CPNE8: variants seen among roughly 807,000 people sequenced by gnomAD.
CPNE8 encodes the protein copine 8, also known as copine-8.
A neutral mutation model predicts 81.5 loss-of-function variants in CPNE8; 45 were observed. The ratio of observed to expected loss-of-function variants is 0.55; its 90% CI spans 0.44 to 0.71. CPNE8 has a LOEUF of 0.71. Ranked by LOEUF, CPNE8 falls within the 30% of genes least tolerant of loss-of-function variation. The pLI is 0.00. For synonymous variants in CPNE8, 252 were observed against 226.3 expected (o/e 1.11, Z -1.02); for missense variants, 594 against 672.1 (o/e 0.88, Z 1.28).
intron 5 of CPNE8, among the ~76,000 whole-genome samples, chr12:38,835,656 T>G (rs1013943389): frequency 6.6e-6 from 1 of 152,214 alleles, no homozygotes; most frequent in Non-Finnish European, 1.5e-5. Context: ...AGCTTTATAC[T>G]CTAATGAAAG....
intron 13 of CPNE8, among the ~76,000 whole-genome samples, chr12:38,719,191 C>G (rs763199650): frequency 3.3e-5 from 5 of 152,138 alleles, no homozygotes; most frequent in Non-Finnish European, 7.4e-5. Flanking sequence ...TTCATGTGAA[C>G]TACAGGAAAT....
chr12:38,844,289 A>G (rs1943518635), intron 4 of CPNE8, among the ~76,000 whole-genome samples: 1 of 152,184 alleles, frequency 6.6e-6, no homozygotes, highest in South Asian at 2.1e-4. Context: ...TCTATCTGGC[A>G]CATACTACGA....
chr12:38,685,486 T>C lies in CPNE8; in HGVS notation c.1271+4A>G, dbSNP rs751325087. On this transcript the variant is annotated splice_donor_region_variant and intron_variant, in intron 16 of 19. Coordinates refer to ENST00000331366, the MANE Select transcript of CPNE8 (RefSeq NM_153634.3). ...AATAAGCACCTTGTCTACTCTCTAC[T>C]TACCTTGCTACATGATTAATTACAG... 7 of 1,612,606 alleles carry C rather than the reference T, an allele frequency of 4.3e-6. No homozygotes were observed. The highest frequency in any genetic ancestry group is 2.7e-5 in the African/African-American group (2 of 74,862).
At chr12:38,782,979 C>A (rs1249293363) in intron 6 of CPNE8, among the ~76,000 whole-genome samples, 1 of 152,136 alleles carries the variant, frequency 6.6e-6, no homozygotes, top group Non-Finnish European at 1.5e-5. Flanking sequence ...CCCACCTTGA[C>A]TACTCTCGCA....
chr12:38,656,125 A>G (rs888765197), intron 19 of CPNE8, among the ~76,000 whole-genome samples: 1 of 151,984 alleles, frequency 6.6e-6, no homozygotes, highest in Non-Finnish European at 1.5e-5. Context: ...AAAAACAAAA[A>G]AAACAAATTG....
chr12:38,881,911 A>T (rs1944164132), intron 1 of CPNE8, among the ~76,000 whole-genome samples: 1 of 152,200 alleles, frequency 6.6e-6, no homozygotes, highest in South Asian at 2.1e-4. Context: ...AAATGGAGAA[A>T]AAAAAGAGAC....
intron 13 of CPNE8, 78 bp downstream of exon 13, chr12:38,723,694 A>T: frequency 1.2e-6 from 1 of 836,288 alleles, no homozygotes; most frequent in Non-Finnish European, 2.1e-6. Flanking sequence ...TTTCAGTGCC[A>T]GGTACCTCGT....
At chr12:38,766,750 T>C (rs1319385044) in intron 8 of CPNE8, among the ~76,000 whole-genome samples, 1 of 152,072 alleles carries the variant, frequency 6.6e-6, no homozygotes, top group Non-Finnish European at 1.5e-5. Context: ...AGCTGATATA[T>C]TACACATAGT....
Position 38,653,856 on chromosome 12 carries a change from G to A in CPNE8, c.*26C>T, listed in dbSNP as rs1158524784. 2 of 1,603,376 alleles carry A rather than the reference G, an allele frequency of 1.2e-6. No homozygotes were observed. The highest frequency in any genetic ancestry group is 2.3e-5 in the South Asian group (2 of 88,362). On this transcript the variant is annotated 3_prime_UTR_variant, in exon 20 of 20. Coordinates refer to ENST00000331366, the MANE Select transcript of CPNE8 (RefSeq NM_153634.3). ...ATTAACTCAGCACTTTTGATTTGTA[G>A]TTGACATTAGCATTTCAGAGCACAG...
In CPNE8 at chr12:38,713,972, T is replaced by A. The variant is rs1056142345; in HGVS notation, c.914+9800A>T. Among the ~76,000 whole-genome samples, 4 of 152,168 alleles carry A rather than the reference T, an allele frequency of 2.6e-5. No individual in the cohort carries two copies. The South Asian group carries it at 8.3e-4, about 31-fold the overall frequency. ...TCGGTGTGCAACAAAATTTGTGATCTGTTTTCCCCCTTCATCTGCCAATCA... is the reference window on the plus strand; with the variant it reads ...TCGGTGTGCAACAAAATTTGTGATCAGTTTTCCCCCTTCATCTGCCAATCA... On this transcript the variant is annotated intron_variant, in intron 13 of 19. Coordinates refer to ENST00000331366, the MANE Select transcript of CPNE8 (RefSeq NM_153634.3).
At chr12:38,796,891 T>A (rs1942492030) in intron 6 of CPNE8, among the ~76,000 whole-genome samples, 1 of 152,134 alleles carries the variant, frequency 6.6e-6, no homozygotes. Flanking sequence ...ACCAGGAGAT[T>A]ATATCCCGCA....
intron 6 of CPNE8, 97 bp downstream of exon 6, chr12:38,829,282 C>A: frequency 1.4e-6 from 1 of 722,400 alleles, no homozygotes; most frequent in Non-Finnish European, 2.4e-6. Flanking sequence ...TTTTAAAACC[C>A]ACTTTTGCTC....
At chr12:38,796,013 C>A (rs1942460686) in intron 6 of CPNE8, among the ~76,000 whole-genome samples, 1 of 152,128 alleles carries the variant, frequency 6.6e-6, no homozygotes, top group African/African-American at 2.4e-5. Context: ...GTAATCCCAG[C>A]ACTTTGAGAG....
chr12:38,795,813 A>G (rs1435885136), intron 6 of CPNE8, among the ~76,000 whole-genome samples: 1 of 152,072 alleles, frequency 6.6e-6, no homozygotes, highest in Non-Finnish European at 1.5e-5. Flanking sequence ...GAATATATTT[A>G]ACACTACTAA....
At chr12:38,851,310 T>G (rs1453570423) in intron 3 of CPNE8, among the ~76,000 whole-genome samples, 1 of 152,200 alleles carries the variant, frequency 6.6e-6, no homozygotes, top group Admixed American at 6.5e-5. Context: ...CTTATACAAG[T>G]GGTTGTCTTA....
rs1046988610 is a variant in CPNE8, at chr12:38,652,800, T to A, written c.*1082A>T. 1.3e-5 allele frequency: 2 copies of A among 152,596 alleles called. No individual in the cohort carries two copies. Among genetic ancestry groups the A allele is most frequent in the Non-Finnish European group, 2.9e-5 (2 of 68,018 alleles). The allele number at this position is 152,596 out of a possible 1,614,324, so 9.5% of individuals were successfully genotyped here. ...TTATTCGTGGACAGGCAGGTCAGTATATAGGAGTAGGTTATTTCACAAATG... is the reference window on the plus strand; with the variant it reads ...TTATTCGTGGACAGGCAGGTCAGTAAATAGGAGTAGGTTATTTCACAAATG... On this transcript the variant is annotated 3_prime_UTR_variant, in exon 20 of 20. Transcript: ENST00000331366.
At chr12:38,777,938 C>T (rs562068724) in intron 6 of CPNE8, among the ~76,000 whole-genome samples, 1 of 152,018 alleles carries the variant, frequency 6.6e-6, no homozygotes, top group Admixed American at 6.6e-5. Context: ...GAACGTGAAC[C>T]CTATTGTGAA....
At chr12:38,753,833 G>T (rs34010376) in intron 10 of CPNE8, among the ~76,000 whole-genome samples, 23,259 of 151,926 alleles carry the variant, frequency 0.15, 2,295 homozygotes, top group Non-Finnish European at 0.22. Context: ...CTGTGCCTAA[G>T]GTAAAAATTA....
chr12:38,828,452 A>G (rs1943234557), intron 6 of CPNE8, among the ~76,000 whole-genome samples: 1 of 152,180 alleles, frequency 6.6e-6, no homozygotes, highest in Non-Finnish European at 1.5e-5. Context: ...GAATTTATAG[A>G]ATTCTTATTA....
Sources: gnomAD v4.1 joint callset for allele counts (sites outside exome capture counted in the v4.1 genomes callset) on GRCh38, gnomAD v4.1.1 for gene constraint, MANE v1.5 for transcripts, NCBI Gene and HGNC (gene_info 2026-07-23, HGNC 2026-07-21) for gene names.